The following EP400 variants were observed in gnomAD, a reference collection of about 807,000 sequenced individuals.
The protein encoded by EP400 is E1A binding protein p400, also known as E1A-binding protein p400.
In EP400, 105 loss-of-function variants were observed where a neutral mutation model predicts 354.1. That is an observed-to-expected ratio of 0.30 (90% CI 0.25 to 0.35). EP400 has a LOEUF of 0.35. Among genes scored for constraint, EP400 ranks in the 10% least tolerant of loss-of-function variants. The probability of loss-of-function intolerance (pLI) is 1.00; values close to 1 mark genes in which losing one functional copy is unlikely to be tolerated. For missense variants in EP400, 3,280 were observed against 4,121.0 expected (o/e 0.80, Z 5.59); for synonymous variants, 1,646 against 1,716.9 (o/e 0.96, Z 1.02).
chr12:131,984,905 A>G (rs1324556087), intron 5 of EP400, among the ~76,000 whole-genome samples: 4 of 152,052 alleles, frequency 2.6e-5, no homozygotes, highest in Admixed American at 2.0e-4. Context: ...TTATTTCACA[A>G]TTTAGCTCTC....
At chr12:131,996,646 C>T (rs1346868812) in intron 12 of EP400, among the ~76,000 whole-genome samples, 1 of 152,092 alleles carries the variant, frequency 6.6e-6, no homozygotes, top group Non-Finnish European at 1.5e-5. Context: ...GTTTTATTGC[C>T]ATTCTTTAAT....
At chr12:132,066,495 A>C in intron 48 of EP400, 1 of 398,006 alleles carries the variant, frequency 2.5e-6, no homozygotes, top group Non-Finnish European at 4.5e-6. Flanking sequence ...GATGGAGGGA[A>C]GTGAAGGTGA....
At chr12:132,037,917 C>T (rs1395211281) in intron 31 of EP400, 36 bp from the exon 32 acceptor site, 7 of 1,613,880 alleles carry the variant, frequency 4.3e-6, no homozygotes, top group South Asian at 3.3e-5. Flanking sequence ...ACACTTGGAC[C>T]TTGTACTGGG....
chr12:132,074,247 C>T (rs1462498595), intron 51 of EP400, among the ~76,000 whole-genome samples: 3 of 152,172 alleles, frequency 2.0e-5, no homozygotes, highest in Non-Finnish European at 4.4e-5. Context: ...TGAGTGCATT[C>T]ACGGTATCAT....
chr12:131,969,363 A>G (rs540417181), intron 2 of EP400, among the ~76,000 whole-genome samples: 1 of 152,338 alleles, frequency 6.6e-6, no homozygotes, highest in African/African-American at 2.4e-5. Flanking sequence ...AGTTTTGACA[A>G]GTACATACAC....
At chr12:131,999,756 G>A (rs929727298) in intron 12 of EP400, among the ~76,000 whole-genome samples, 4 of 152,132 alleles carry the variant, frequency 2.6e-5, no homozygotes, top group Middle Eastern at 3.4e-3. Flanking sequence ...TTAAATTGAG[G>A]AATATGACTT....
chr12:132,053,637 A>C (rs954980934), intron 43 of EP400, 40 bp downstream of exon 43: 4 of 1,473,998 alleles, frequency 2.7e-6, no homozygotes, highest in Non-Finnish European at 3.6e-6. Flanking sequence ...CTCTACGGGA[A>C]GTCACCCACA....
chr12:132,058,001 G>T (rs1054144455), intron 45 of EP400, among the ~76,000 whole-genome samples: 1 of 152,196 alleles, frequency 6.6e-6, no homozygotes, highest in Non-Finnish European at 1.5e-5. Flanking sequence ...GCTGGAACAT[G>T]AGAGAGGTGC....
chr12:132,049,307 A>G (rs764149851), intron 39 of EP400, among the ~76,000 whole-genome samples: 6 of 152,210 alleles, frequency 3.9e-5, no homozygotes, highest in Non-Finnish European at 4.4e-5. Flanking sequence ...TATTAGTCTT[A>G]TGCACCCCTT....
At chr12:132,074,222 G>A (rs1317508832) in intron 51 of EP400, among the ~76,000 whole-genome samples, 4 of 152,182 alleles carry the variant, frequency 2.6e-5, no homozygotes, top group African/African-American at 9.7e-5. Context: ...ACCGCGCCCG[G>A]TCGGCATTGT....
In EP400 at chr12:132,077,706, A is replaced by G; in HGVS notation, c.*33A>G. On this transcript the variant is annotated 3_prime_UTR_variant, in exon 53 of 53. Transcript: ENST00000389561. The stretch of plus-strand genomic sequence containing the variant: ...AGCAGGGCTGCCTCTCATCTAAAGC[A>G]AAACTACCTTCCTCACAGAAAACGC... The G allele has an allele frequency of 6.5e-7, 1 of 1,543,314 alleles. No homozygotes were observed. Among genetic ancestry groups the G allele is most frequent in the Non-Finnish European group, 8.7e-7 (1 of 1,148,366 alleles).
chr12:132,010,537 G>A (rs1893731305), intron 15 of EP400, among the ~76,000 whole-genome samples: 1 of 152,214 alleles, frequency 6.6e-6, no homozygotes, highest in Admixed American at 6.5e-5. Context: ...AGATGGATGT[G>A]TTGTAAATAT....
In EP400 at chr12:132,005,165, G is replaced by A; in HGVS notation, c.2916G>A (p.Glu972=). 3.8e-6 allele frequency: 6 copies of A among 1,576,898 alleles called. No homozygotes were observed. The South Asian group carries it at 5.8e-5, about 15-fold the overall frequency. Residue 972 remains glutamate, a synonymous_variant, in exon 13 of 53, where the codon GAG becomes GAA. Transcript: ENST00000389561. The stretch of plus-strand genomic sequence containing the variant: ...GGCCCCGGCCGAAGCCTGATGGGGA[G>A]GACACAAGCGGAGAGGAAGGTGCGC... ...SQWPRPKPDG[E]DTSGEEDADD...
intron 19 of EP400, among the ~76,000 whole-genome samples, chr12:132,016,792 G>C (rs1425115566): frequency 1.3e-5 from 2 of 152,136 alleles, no homozygotes; most frequent in East Asian, 3.8e-4. Flanking sequence ...CCCAAGCCTG[G>C]CTCCCTCCCT....
chr12:132,041,619 G>A (rs953499641), intron 32 of EP400, among the ~76,000 whole-genome samples: 2 of 152,226 alleles, frequency 1.3e-5, no homozygotes, highest in African/African-American at 4.8e-5. Context: ...TGCTCCTGTG[G>A]ATATTTGTAT....
At chr12:131,978,871 T>G (rs1892575504) in intron 2 of EP400, among the ~76,000 whole-genome samples, 1 of 152,118 alleles carries the variant, frequency 6.6e-6, no homozygotes, top group Admixed American at 6.6e-5. Context: ...TCTCTATATA[T>G]CTCACATATT....
chr12:131,994,922 C>T lies in EP400; in HGVS notation c.2793C>T (p.Asp931=). 6.2e-7 allele frequency: 1 copy of T among 1,614,068 alleles called. No individual in the cohort carries two copies. Among genetic ancestry groups the T allele is most frequent in the Non-Finnish European group, 8.5e-7 (1 of 1,179,972 alleles). Residue 931 remains aspartate, a synonymous_variant, in exon 12 of 53, where the codon GAC becomes GAT. Transcript: ENST00000389561. The surrounding 1 kb of genome is among the most constrained non-coding windows in gnomAD (Gnocchi z 4.6). ...AGGAAGCAAATGAAGGCGTTGTGGA[C>T]CACCAAACAGAACTTTCTAATTTAG... ...EEEEANEGVV[D]HQTELSNLAK...
intron 52 of EP400, 41 bp from the exon 53 acceptor site, chr12:132,077,360 G>A: frequency 6.3e-7 from 1 of 1,585,662 alleles, no homozygotes; most frequent in Non-Finnish European, 8.6e-7. Context: ...CCTGGACTGA[G>A]TTTCCTGGGC....
chr12:132,078,506 C>T lies in EP400; in HGVS notation c.*833C>T, dbSNP rs1445882859. Reference sequence around the variant, plus strand: ...TTTGACATAGTGTGTTAAACAGCTCCTGAGAACCTTTGGGACACTCTGCCA... The same window carrying T: ...TTTGACATAGTGTGTTAAACAGCTCTTGAGAACCTTTGGGACACTCTGCCA... On this transcript the variant is annotated 3_prime_UTR_variant, in exon 53 of 53. Transcript: ENST00000389561. 1.3e-5 allele frequency: 2 copies of T among 152,344 alleles called. No homozygotes were observed. The highest frequency in any genetic ancestry group is 4.8e-5 in the African/African-American group (2 of 41,468). 9.4% of individuals were successfully genotyped at this position (152,344 alleles called of 1,614,324 possible).
Sources: gnomAD v4.1 joint callset for allele counts (sites outside exome capture counted in the v4.1 genomes callset) on GRCh38, gnomAD v4.1.1 for gene constraint, Gnocchi (gnomAD v3.1) non-coding constraint, MANE v1.5 for transcripts, NCBI Gene and HGNC (gene_info 2026-07-23, HGNC 2026-07-21) for gene names.